WDPCP: variants seen among roughly 807,000 people sequenced by gnomAD.
WDPCP encodes WD repeat-containing and planar cell polarity effector protein fritz homolog.
Under a neutral mutation model 93.1 loss-of-function variants are expected in WDPCP, and 71 were observed. That is an observed-to-expected ratio of 0.76 (90% CI 0.63 to 0.93). The LOEUF is 0.93. Among genes scored for constraint, WDPCP ranks in the 40% least tolerant of loss-of-function variants. WDPCP has a pLI of 0.00. For synonymous variants in WDPCP, 315 were observed against 315.0 expected, an observed-to-expected ratio of 1.00 and a Z score of 0.00; for missense variants, 844 against 887.4, an observed-to-expected ratio of 0.95 and a Z score of 0.62.
At position 63,404,674 on chromosome 2, in the gene WDPCP, C is replaced by G. The variant is rs1694430719; in HGVS notation, c.826-17G>C. The G allele has an allele frequency of 6.2e-7, 1 of 1,613,518 alleles. No homozygotes were observed. ...ACTCAGAACCTGTTAAGAAATATAT[C>G]AAGTACATTCAGATAAACTTTGGTT... On this transcript the variant is annotated splice_polypyrimidine_tract_variant and intron_variant, in intron 9 of 17. Coordinates refer to ENST00000272321, the MANE Select transcript of WDPCP (RefSeq NM_015910.7).
At chr2:63,740,610 G>A (rs776764960) in intron 2 of WDPCP, among the ~76,000 whole-genome samples, 8 of 152,102 alleles carry the variant, frequency 5.3e-5, no homozygotes, top group South Asian at 2.1e-4. Context: ...TTATGAATGG[G>A]AAGATAATGA....
At chr2:63,170,323 A>T (rs186046944) in intron 15 of WDPCP, among the ~76,000 whole-genome samples, 6 of 147,064 alleles carry the variant, frequency 4.1e-5, no homozygotes, top group Non-Finnish European at 7.4e-5. Flanking sequence ...CCCTGGCTGG[A>T]GTGCAATGGT....
chr2:63,492,245 T>C (rs1700927160), intron 2 of WDPCP, among the ~76,000 whole-genome samples: 2 of 152,150 alleles, frequency 1.3e-5, no homozygotes, highest in Admixed American at 6.5e-5. Flanking sequence ...ATATTTCTTA[T>C]AAAGTACACT....
chr2:63,382,006 C>T lies in WDPCP; in HGVS notation c.1524G>A (p.Leu508=), dbSNP rs946794485. The T allele has an allele frequency of 5.0e-6, 8 of 1,613,360 alleles. No homozygotes were observed. The highest frequency in any genetic ancestry group is 6.8e-6 in the Non-Finnish European group (8 of 1,179,740). ...CDEIYEAINI[L]SSMNWDTLGH... Reference sequence around the variant, plus strand: ...CCAGAGTGTCCCAGTTCATGCTGCTCAGGATGTTTATTGCCTCATAGATCT... The same window carrying T: ...CCAGAGTGTCCCAGTTCATGCTGCTTAGGATGTTTATTGCCTCATAGATCT... The change falls in exon 11 of 18, where the codon CTG becomes CTA. Residue 508 remains leucine, a synonymous_variant. Transcript: ENST00000272321.
At chr2:63,438,031 G>A in intron 7 of WDPCP, 5 of 1,266,018 alleles carry the variant, frequency 3.9e-6, no homozygotes, top group Non-Finnish European at 3.0e-6. Context: ...TTCTTTTAGG[G>A]GTATACAAGC....
At chr2:63,831,675 T>TTG (rs1208801520), upstream of WDPCP, among the ~76,000 whole-genome samples, 326 of 151,244 alleles carry the variant, frequency 2.2e-3, 1 homozygote, top group East Asian at 7.4e-3. Flanking sequence ...CATGGAATAT[T>TTG]TGTGTGTGTA....
chr2:63,221,994 T>A (rs1263679522), intron 14 of WDPCP, among the ~76,000 whole-genome samples: 3 of 152,152 alleles, frequency 2.0e-5, no homozygotes, highest in Non-Finnish European at 4.4e-5. Context: ...TCCTTTCCCA[T>A]AGTTGGAGAG....
chr2:63,714,732 G>A (rs1218217259), intron 2 of WDPCP, among the ~76,000 whole-genome samples: 1 of 152,206 alleles, frequency 6.6e-6, no homozygotes, highest in East Asian at 1.9e-4. Context: ...GGGAGGCTGA[G>A]GCAGGAGAAT....
At position 63,266,159 on chromosome 2, in the gene WDPCP, C is replaced by A. The variant is rs1401302697; in HGVS notation, c.1813-6750G>T. On this transcript the variant is annotated intron_variant, in intron 13 of 17. Transcript: ENST00000272321. ...ACAGCACTGGAAATCCTAGCCAGTGCAATTATACATGGAAAAGAAATAAAA... is the reference window on the plus strand; with the variant it reads ...ACAGCACTGGAAATCCTAGCCAGTGAAATTATACATGGAAAAGAAATAAAA... Among the ~76,000 whole-genome samples, 3 of 152,070 alleles carry A rather than the reference C, an allele frequency of 2.0e-5. No individual in the cohort carries two copies. In the East Asian group the frequency reaches 5.8e-4, roughly 29 times the overall value.
intron 2 of WDPCP, among the ~76,000 whole-genome samples, chr2:63,812,709 G>A (rs1214354270): frequency 1.3e-5 from 2 of 151,880 alleles, no homozygotes; most frequent in Non-Finnish European, 2.9e-5. Flanking sequence ...ATAATCAATG[G>A]GTGTTGTTTC....
rs1575721137 is a variant in WDPCP, at chr2:63,595,085, T to C, written n.488+55574A>G. ...AATTATTCTTTCATGTCAGATACTG[T>C]ACTTAGCTTTCCATGAACTGAAATC... On this transcript the variant is annotated intron_variant and non_coding_transcript_variant, in intron 3 of 4. Coordinates refer to the WDPCP transcript ENST00000467687. The C allele has an allele frequency of 8.2e-6, 3 of 367,082 alleles. No homozygotes were observed. The East Asian group carries it at 2.1e-4, about 26-fold the overall frequency. The allele number at this position is 367,082 out of a possible 1,614,324, so 22.7% of individuals were successfully genotyped here. A position where few individuals can be genotyped will look rare whatever the true frequency, so the allele number is the denominator to read the frequency against.
At chr2:63,284,286 C>T (rs911173405) in intron 13 of WDPCP, among the ~76,000 whole-genome samples, 6 of 152,160 alleles carry the variant, frequency 3.9e-5, no homozygotes, top group Non-Finnish European at 5.9e-5. Context: ...AGTAGTCCCC[C>T]CTTACCTGTG....
chr2:63,444,288 G>GA (rs145719353), intron 6 of WDPCP, among the ~76,000 whole-genome samples: 2,459 of 152,174 alleles, frequency 0.016, 76 homozygotes, highest in African/African-American at 0.056. Flanking sequence ...CCAGATTTTG[G>GA]AATAAGAAGG....
chr2:63,144,303 C>T (rs564616769), intron 17 of WDPCP, among the ~76,000 whole-genome samples: 4 of 144,766 alleles, frequency 2.8e-5, no homozygotes, highest in East Asian at 4.0e-4. Context: ...TATTTTGAGA[C>T]GGAGTCTCGC....
At chr2:63,606,969 A>AT (rs1310055412) in intron 3 of WDPCP, 1 of 1,611,976 alleles carries the variant, frequency 6.2e-7, no homozygotes, top group Non-Finnish European at 8.5e-7. Context: ...GTGCTTTTGA[A>AT]TTTCTTTCCT....
intron 12 of WDPCP, among the ~76,000 whole-genome samples, chr2:63,357,193 A>G (rs1193900886): frequency 6.6e-6 from 1 of 152,222 alleles, no homozygotes; most frequent in African/African-American, 2.4e-5. Context: ...AGGCAATACC[A>G]TTCTAGACAT....
intron 13 of WDPCP, among the ~76,000 whole-genome samples, chr2:63,271,973 GACCC>G (rs1244089204): frequency 2.0e-5 from 3 of 151,754 alleles, no homozygotes; most frequent in Non-Finnish European, 4.4e-5. Flanking sequence ...GCTGCCCAAG[GACCC>G]ACCCACCCAC....
chr2:63,426,832 C>CA (rs952754099), intron 9 of WDPCP, among the ~76,000 whole-genome samples: 1 of 152,102 alleles, frequency 6.6e-6, no homozygotes, highest in South Asian at 2.1e-4. Context: ...TCACATTTAA[C>CA]AACACCCACA....
chr2:63,606,118 A>C lies in WDPCP; in HGVS notation n.488+44541T>G. The C allele has an allele frequency of 3.3e-6, 4 of 1,226,386 alleles. 1 individual carries two copies. The highest frequency in any genetic ancestry group is 4.8e-6 in the Non-Finnish European group (4 of 829,338). 76.0% of individuals were successfully genotyped at this position (1,226,386 alleles called of 1,614,324 possible). A position where few individuals can be genotyped will look rare whatever the true frequency, so the allele number is the denominator to read the frequency against. On this transcript the variant is annotated intron_variant and non_coding_transcript_variant, in intron 3 of 4. Coordinates refer to the WDPCP transcript ENST00000467687. ...TATTATTGGCCAGGCACAGTGGCTCACGCCTATAATCCCAACACTTTGGAA... is the reference window on the plus strand; with the variant it reads ...TATTATTGGCCAGGCACAGTGGCTCCCGCCTATAATCCCAACACTTTGGAA...
Sources: gnomAD v4.1 joint callset for allele counts (sites outside exome capture counted in the v4.1 genomes callset) on GRCh38, gnomAD v4.1.1 for gene constraint, MANE v1.5 for transcripts, NCBI Gene and HGNC (gene_info 2026-07-23, HGNC 2026-07-21) for gene names.